COL10A1: variants seen among roughly 807,000 people sequenced by gnomAD.
COL10A1 encodes the protein collagen type X alpha 1 chain.
A neutral mutation model predicts 18.2 loss-of-function variants in COL10A1; 10 were observed. The observed-to-expected ratio is 0.55, with a 90% CI of 0.34 to 0.93. COL10A1 has a LOEUF of 0.93. Ranked by LOEUF, COL10A1 falls within the 40% of genes least tolerant of loss-of-function variation. The pLI is 0.02. For missense variants in COL10A1, 897 were observed against 853.5 expected (o/e 1.05, Z -0.64); for synonymous variants, 330 against 316.6 (o/e 1.04, Z -0.45).
At chr6:116,135,834 GATATATATATATATATATATAT>G (rs199827970) in intron 1 of COL10A1, among the ~76,000 whole-genome samples, 20 of 102,358 alleles carry the variant, frequency 2.0e-4, no homozygotes, top group Admixed American at 2.9e-4. Flanking sequence ...TATATTTTCA[GATATATATATATATATATATAT>G]ATATATATAT....
rs1475907407 is a variant in COL10A1, at chr6:116,119,551, C to T, written c.*522G>A. 6.4e-6 allele frequency: 1 copy of T among 157,338 alleles called. No homozygotes were observed. The highest frequency in any genetic ancestry group is 1.4e-5 in the Non-Finnish European group (1 of 71,358). The allele number at this position is 157,338 out of a possible 1,614,324, so 9.7% of individuals were successfully genotyped here. A position where few individuals can be genotyped will look rare whatever the true frequency, so the allele number is the denominator to read the frequency against. On this transcript the variant is annotated 3_prime_UTR_variant, in exon 3 of 3. Coordinates refer to ENST00000651968, the MANE Select transcript of COL10A1 (RefSeq NM_000493.4). ...GCCATACAGGCCTCAGAGTAGTGCA[C>T]CATCAGAAATATTTTAGGGGATACA...
In COL10A1 at chr6:116,120,636, G is replaced by T. The variant is rs781342000; in HGVS notation, c.1480C>A (p.Pro494Thr). Residue 494 changes from proline (P) to threonine (T), a missense_variant, in exon 3 of 3, where the codon CCT becomes ACT. Transcript: ENST00000651968. ...CCAGAGTGGCCTCTTGGACCTGGAG[G>T]CCCTGGTGGCCCGGTGGGTCCATTG... Reference protein sequence around the residue: ...GLNGPTGPPGPPGPRGHSGEP... With the variant: ...GLNGPTGPPGTPGPRGHSGEP... The T allele has an allele frequency of 4.5e-6, 7 of 1,550,532 alleles. No individual in the cohort carries two copies. The highest frequency in any genetic ancestry group is 6.1e-6 in the Non-Finnish European group (7 of 1,156,330).
chr6:116,128,381 G>T (rs954524949), upstream of COL10A1, among the ~76,000 whole-genome samples: 18 of 152,058 alleles, frequency 1.2e-4, no homozygotes, highest in African/African-American at 4.1e-4. Flanking sequence ...TTTACTCTGG[G>T]TGTTTACTTG....
the COL10A1 span, among the ~76,000 whole-genome samples, chr6:116,167,206 A>ATTTTT: frequency 2.7e-4 from 24 of 87,816 alleles, no homozygotes; most frequent in African/African-American, 6.4e-4. Flanking sequence ...CAAATAGAAG[A>ATTTTT]TTTTTTTTTT....
chr6:116,122,106 A>G, intron 2 of COL10A1, 145 bp from the exon 3 acceptor site: 2 of 843,482 alleles, frequency 2.4e-6, no homozygotes, highest in Admixed American at 3.7e-5. Flanking sequence ...AAATGGTTTT[A>G]GATTATATGT....
the COL10A1 span, among the ~76,000 whole-genome samples, chr6:116,193,905 A>T: frequency 1.5e-4 from 23 of 152,054 alleles, no homozygotes; most frequent in Non-Finnish European, 1.0e-4. Context: ...AAATACAAAA[A>T]ATACAGAAAG....
chr6:116,217,125 G>A, the COL10A1 span, among the ~76,000 whole-genome samples: 1 of 152,032 alleles, frequency 6.6e-6, no homozygotes, highest in Non-Finnish European at 1.5e-5. Context: ...TAGTGATGTG[G>A]CACAATTGTC....
Position 116,125,527 on chromosome 6 carries a change from A to G in COL10A1, c.-15-20T>C, listed in dbSNP as rs147235308. On this transcript the variant is annotated intron_variant, in intron 1 of 2. Coordinates refer to ENST00000651968, the MANE Select transcript of COL10A1 (RefSeq NM_000493.4). ...TGGATTCTGAAAAACAGAAAAGAATAACTTTATACAGCATTGTTATTAACC... is the reference window on the plus strand; with the variant it reads ...TGGATTCTGAAAAACAGAAAAGAATGACTTTATACAGCATTGTTATTAACC... The G allele has an allele frequency of 6.3e-5, 102 of 1,607,378 alleles. 1 individual carries two copies. The African/African-American group carries it at 1.1e-3, about 18-fold the overall frequency.
chr6:116,124,852 G>A (rs187791829), intron 2 of COL10A1, among the ~76,000 whole-genome samples: 4 of 152,034 alleles, frequency 2.6e-5, no homozygotes, highest in Non-Finnish European at 5.9e-5. Context: ...GTTCATTGTT[G>A]GGGGGGAGGC....
At chr6:116,194,823 C>A in the COL10A1 span, among the ~76,000 whole-genome samples, 5 of 152,042 alleles carry the variant, frequency 3.3e-5, no homozygotes, top group East Asian at 9.7e-4. Flanking sequence ...AGAACCTATT[C>A]TTTTCTATTA....
the COL10A1 span, among the ~76,000 whole-genome samples, chr6:116,191,520 ACTGT>A: frequency 6.6e-6 from 1 of 152,072 alleles, no homozygotes; most frequent in African/African-American, 2.4e-5. Flanking sequence ...TTCAACAATC[ACTGT>A]CTAACTCAAA....
the COL10A1 span, among the ~76,000 whole-genome samples, chr6:116,202,218 G>A: frequency 6.6e-6 from 1 of 151,892 alleles, no homozygotes; most frequent in Non-Finnish European, 1.5e-5. Context: ...CCTTAGCTCT[G>A]GGCCTTCCTT....
chr6:116,199,741 T>G, the COL10A1 span, among the ~76,000 whole-genome samples: 1 of 152,154 alleles, frequency 6.6e-6, no homozygotes, highest in Non-Finnish European at 1.5e-5. Context: ...CAATGGCTAA[T>G]GCTGGAACAA....
chr6:116,153,737 T>C (rs60494998), intron 1 of COL10A1, among the ~76,000 whole-genome samples: 6,097 of 152,232 alleles, frequency 0.04, 190 homozygotes, highest in African/African-American at 0.084. Flanking sequence ...ACTTTCTTAC[T>C]GGTTTAGTCA....
chr6:116,165,375 A>T, the COL10A1 span, among the ~76,000 whole-genome samples: 2 of 152,172 alleles, frequency 1.3e-5, no homozygotes, highest in African/African-American at 4.8e-5. Context: ...ATGGATTTCT[A>T]TATCTCTAAC....
chr6:116,181,479 G>C, the COL10A1 span, among the ~76,000 whole-genome samples: 1 of 151,934 alleles, frequency 6.6e-6, no homozygotes, highest in Non-Finnish European at 1.5e-5. Flanking sequence ...AAAAACCATA[G>C]GAAACTAGGA....
upstream of COL10A1, among the ~76,000 whole-genome samples, chr6:116,128,181 T>G (rs140727907): frequency 1.6e-4 from 25 of 152,284 alleles, no homozygotes; most frequent in African/African-American, 4.8e-4. Context: ...TTTTGGAAAA[T>G]GTGGTGTCCT....
chr6:116,142,931 A>C (rs9488850), intron 1 of COL10A1, among the ~76,000 whole-genome samples: 5,234 of 152,218 alleles, frequency 0.034, 294 homozygotes, highest in African/African-American at 0.12. Flanking sequence ...GCAAAATCCA[A>C]AAATCTGGAT....
the COL10A1 span, among the ~76,000 whole-genome samples, chr6:116,170,124 T>C: frequency 5.3e-5 from 8 of 152,034 alleles, no homozygotes; most frequent in Admixed American, 5.2e-4. Context: ...AAGGGGAAAT[T>C]AGGAAGTGGA....
Sources: gnomAD v4.1 joint callset for allele counts (sites outside exome capture counted in the v4.1 genomes callset) on GRCh38, gnomAD v4.1.1 for gene constraint, MANE v1.5 for transcripts, NCBI Gene and HGNC (gene_info 2026-07-23, HGNC 2026-07-21) for gene names.